RFPL1: variants seen among roughly 807,000 people sequenced by gnomAD.
RFPL1 encodes ret finger protein like 1.
Under a neutral mutation model 9.6 loss-of-function variants are expected in RFPL1, and 6 were observed. The ratio of observed to expected loss-of-function variants is 0.62; its 90% CI spans 0.34 to 1.23. The LOEUF is 1.23. RFPL1 is among the 50% of genes most tolerant of loss of function. RFPL1 has a pLI of 0.03. For synonymous variants in RFPL1, 145 were observed against 149.4 expected, an observed-to-expected ratio of 0.97 and a Z score of 0.22; for missense variants, 352 against 398.4, an observed-to-expected ratio of 0.88 and a Z score of 0.99.
chr22:29,405,597 C>G, the RFPL1 span, among the ~76,000 whole-genome samples: 2 of 152,134 alleles, frequency 1.3e-5, no homozygotes, highest in African/African-American at 4.8e-5. Context: ...GAGAAGAGCT[C>G]TCAGTTCAGG....
At chr22:29,431,300 GCA>G in the RFPL1 span, among the ~76,000 whole-genome samples, 3 of 152,190 alleles carry the variant, frequency 2.0e-5, no homozygotes, top group East Asian at 1.9e-4. Context: ...TCAATGCCAG[GCA>G]CAGTGTGTGC....
chr22:29,413,267 C>T, the RFPL1 span, among the ~76,000 whole-genome samples: 1 of 152,006 alleles, frequency 6.6e-6, no homozygotes, highest in African/African-American at 2.4e-5. Context: ...CCAGCAGCCA[C>T]ATGTTTATAC....
the RFPL1 span, among the ~76,000 whole-genome samples, chr22:29,417,328 A>G: frequency 6.6e-6 from 1 of 152,058 alleles, no homozygotes. Context: ...CCAGTTGTCC[A>G]GCAGGTACCT....
chr22:29,395,605 A>G, the RFPL1 span, among the ~76,000 whole-genome samples: 2 of 152,166 alleles, frequency 1.3e-5, no homozygotes, highest in South Asian at 2.1e-4. Context: ...TGTACACCAC[A>G]GGCTCCCTCT....
At chr22:29,432,194 T>G in the RFPL1 span, among the ~76,000 whole-genome samples, 1 of 152,226 alleles carries the variant, frequency 6.6e-6, no homozygotes, top group Non-Finnish European at 1.5e-5. Flanking sequence ...CCTCAAGGAC[T>G]TAACTTGTGC....
At chr22:29,421,188 TA>T in the RFPL1 span, among the ~76,000 whole-genome samples, 4 of 152,152 alleles carry the variant, frequency 2.6e-5, no homozygotes, top group Non-Finnish European at 1.5e-5. Flanking sequence ...TTTGCTTTCC[TA>T]AACCTGTTTC....
the RFPL1 span, among the ~76,000 whole-genome samples, chr22:29,422,296 C>T: frequency 2.6e-5 from 4 of 151,940 alleles, no homozygotes; most frequent in Non-Finnish European, 5.9e-5. Flanking sequence ...ATACAAAAAA[C>T]TGCCAGGTGC....
the RFPL1 span, among the ~76,000 whole-genome samples, chr22:29,410,157 T>G: frequency 6.7e-6 from 1 of 148,842 alleles, no homozygotes; most frequent in Non-Finnish European, 1.5e-5. Flanking sequence ...CTCATGGCGT[T>G]TTCCTTTCTC....
the RFPL1 span, among the ~76,000 whole-genome samples, chr22:29,432,078 C>G: frequency 6.6e-6 from 1 of 152,184 alleles, no homozygotes; most frequent in African/African-American, 2.4e-5. Context: ...GTGTGATACG[C>G]TAACTTACAT....
the RFPL1 span, among the ~76,000 whole-genome samples, chr22:29,400,899 T>C: frequency 1.3e-5 from 2 of 152,338 alleles, no homozygotes; most frequent in African/African-American, 4.8e-5. Flanking sequence ...CCAGGCCCTG[T>C]GCTAGGTGAG....
the RFPL1 span, among the ~76,000 whole-genome samples, chr22:29,426,712 C>T: frequency 2.6e-5 from 4 of 152,104 alleles, no homozygotes; most frequent in African/African-American, 9.7e-5. Flanking sequence ...CGTGCCATTG[C>T]ACTCCGGCCA....
At chr22:29,388,810 C>T in the RFPL1 span, among the ~76,000 whole-genome samples, 1 of 152,354 alleles carries the variant, frequency 6.6e-6, no homozygotes, top group East Asian at 1.9e-4. Context: ...TGAAGTCCAT[C>T]TTCTGTGTAA....
chr22:29,438,133 C>A, upstream of RFPL1: 2 of 174,658 alleles, frequency 1.1e-5, no homozygotes, highest in Admixed American at 6.5e-5. Context: ...CTTGGCCTCG[C>A]AAAGTGCTGG....
At chr22:29,408,034 A>G in the RFPL1 span, among the ~76,000 whole-genome samples, 6 of 152,258 alleles carry the variant, frequency 3.9e-5, no homozygotes, top group African/African-American at 1.4e-4. Context: ...ATTGAATGTA[A>G]TCTCATTAAA....
upstream of RFPL1, chr22:29,438,108 A>G (rs1485904867): frequency 1.1e-5 from 2 of 183,128 alleles, no homozygotes; most frequent in Non-Finnish European, 1.1e-5. Context: ...TCCTTGGCTC[A>G]AGGGATCTTC....
At chr22:29,411,093 T>C in the RFPL1 span, among the ~76,000 whole-genome samples, 1 of 152,204 alleles carries the variant, frequency 6.6e-6, no homozygotes, top group Non-Finnish European at 1.5e-5. Context: ...CATATATTTC[T>C]GTATTTCCTG....
At chr22:29,433,853 A>G (rs1338432832), upstream of RFPL1, among the ~76,000 whole-genome samples, 1 of 152,244 alleles carries the variant, frequency 6.6e-6, no homozygotes, top group African/African-American at 2.4e-5. Flanking sequence ...TTCTGGATAT[A>G]CAAGCTTATA....
chr22:29,395,541 A>G, the RFPL1 span, among the ~76,000 whole-genome samples: 1 of 151,900 alleles, frequency 6.6e-6, no homozygotes, highest in Non-Finnish European at 1.5e-5. Context: ...AGATGTCCTC[A>G]GTGCACCATT....
chr22:29,398,522 G>A, the RFPL1 span, among the ~76,000 whole-genome samples: 1 of 152,302 alleles, frequency 6.6e-6, no homozygotes, highest in South Asian at 2.1e-4. Flanking sequence ...GCTGAGCTGG[G>A]AGGAAGATAG....
Sources: gnomAD v4.1 joint callset for allele counts (sites outside exome capture counted in the v4.1 genomes callset) on GRCh38, gnomAD v4.1.1 for gene constraint, MANE v1.5 for transcripts, NCBI Gene and HGNC (gene_info 2026-07-23, HGNC 2026-07-21) for gene names.